Variants in MYH11 observed in about 807,000 individuals in gnomAD.
MYH11 encodes myosin-11.
A neutral mutation model predicts 246.6 loss-of-function variants in MYH11; 80 were observed. The observed-to-expected ratio is 0.32, with a 90% CI of 0.27 to 0.39. The LOEUF is 0.39. MYH11 is among the 10% of genes least tolerant of loss of function. The pLI, the probability that MYH11 is intolerant of heterozygous loss-of-function variation, is 1.00. For missense variants in MYH11, 2,158 were observed against 2,546.8 expected (o/e 0.85, Z 3.29); for synonymous variants, 1,071 against 1,015.5 (o/e 1.05, Z -1.04).
At chr16:15,715,373 C>T (rs188958006) in intron 38 of MYH11, 101 bp from the exon 39 acceptor site, 63 of 1,000,160 alleles carry the variant, frequency 6.3e-5, no homozygotes, top group Middle Eastern at 2.7e-4. Flanking sequence ...TCCTGAGCCC[C>T]GTATCTGGAC....
At chr16:15,832,682 A>C (rs2043771873) in intron 2 of MYH11, among the ~76,000 whole-genome samples, 1 of 152,162 alleles carries the variant, frequency 6.6e-6, no homozygotes, top group Admixed American at 6.5e-5. Flanking sequence ...TGCTCAAGGA[A>C]TCATAATAAA....
chr16:15,817,973 C>T (rs1182668151), intron 3 of MYH11, among the ~76,000 whole-genome samples: 1 of 152,152 alleles, frequency 6.6e-6, no homozygotes, highest in Non-Finnish European at 1.5e-5. Context: ...TTCATTGATT[C>T]AACAAATACT....
At chr16:15,855,636 G>C (rs1209454145) in intron 1 of MYH11, among the ~76,000 whole-genome samples, 1 of 152,146 alleles carries the variant, frequency 6.6e-6, no homozygotes, top group Non-Finnish European at 1.5e-5. Flanking sequence ...AACAGCATGT[G>C]GCACTGAAGT....
At chr16:15,798,526 G>C in intron 4 of MYH11, 134 bp downstream of exon 4, 1 of 913,832 alleles carries the variant, frequency 1.1e-6, no homozygotes, top group Non-Finnish European at 1.6e-6. Flanking sequence ...GGTATAAAGA[G>C]AGGCACTTGG....
chr16:15,854,911 T>C (rs9925813), intron 1 of MYH11, among the ~76,000 whole-genome samples: 1 of 148,370 alleles, frequency 6.7e-6, no homozygotes, highest in South Asian at 2.1e-4. Flanking sequence ...AAATCTCTTC[T>C]CCTTAGGGTT....
At chr16:15,776,391 G>A (rs958259579) in intron 7 of MYH11, among the ~76,000 whole-genome samples, 15 of 152,148 alleles carry the variant, frequency 9.9e-5, no homozygotes, top group Non-Finnish European at 2.2e-4. Flanking sequence ...GGGGAATAGA[G>A]TGAAAAGAAA....
intron 5 of MYH11, chr16:15,784,908 A>G (rs1291545927): frequency 1.6e-6 from 1 of 631,992 alleles, no homozygotes; most frequent in Non-Finnish European, 2.8e-6. Context: ...ATCACAGCTC[A>G]CTGCAGTCTC....
intron 3 of MYH11, among the ~76,000 whole-genome samples, chr16:15,810,628 ATG>A (rs1444657979): frequency 6.6e-6 from 1 of 152,056 alleles, no homozygotes; most frequent in African/African-American, 2.4e-5. Flanking sequence ...CTTCCTGGAG[ATG>A]TGTTTGTAGC....
chr16:15,726,082 C>T (rs1334670947), intron 28 of MYH11: 1 of 184,374 alleles, frequency 5.4e-6, no homozygotes, highest in African/African-American at 2.3e-5. Context: ...CTTATCCATG[C>T]TCCTTAGGGA....
intron 9 of MYH11, among the ~76,000 whole-genome samples, chr16:15,768,457 C>T (rs752657717): frequency 2.6e-5 from 4 of 152,128 alleles, no homozygotes; most frequent in Non-Finnish European, 4.4e-5. Flanking sequence ...GACCCACCCC[C>T]TTCTCCATAG....
intron 3 of MYH11, among the ~76,000 whole-genome samples, chr16:15,805,634 G>A (rs527650918): frequency 1.2e-4 from 18 of 152,208 alleles, no homozygotes; most frequent in Admixed American, 6.5e-4. Flanking sequence ...TGTTATGGCC[G>A]GCGGCCATGG....
intron 38 of MYH11, among the ~76,000 whole-genome samples, chr16:15,716,366 G>A (rs903444450): frequency 6.6e-6 from 1 of 152,162 alleles, no homozygotes; most frequent in Non-Finnish European, 1.5e-5. Context: ...GCGAATTACT[G>A]AAAAAGCTAC....
intron 4 of MYH11, among the ~76,000 whole-genome samples, chr16:15,794,342 T>G (rs984812582): frequency 6.6e-6 from 1 of 152,220 alleles, no homozygotes; most frequent in African/African-American, 2.4e-5. Flanking sequence ...TGCTGTCAAC[T>G]TGTAGGTCCT....
intron 2 of MYH11, among the ~76,000 whole-genome samples, chr16:15,826,794 C>T (rs1408772011): frequency 2.6e-5 from 4 of 151,614 alleles, no homozygotes; most frequent in African/African-American, 9.7e-5. Flanking sequence ...GAGTTCAAGA[C>T]CAACCTAGGC....
At chr16:15,855,729 C>T (rs1483827479) in intron 1 of MYH11, among the ~76,000 whole-genome samples, 1 of 152,218 alleles carries the variant, frequency 6.6e-6, no homozygotes, top group African/African-American at 2.4e-5. Flanking sequence ...CACCCTGCCA[C>T]CTAATGACTT....
rs550384901 is a variant in MYH11, at chr16:15,838,600, C to CT, written c.-17-332dup. On this transcript the variant is annotated intron_variant, in intron 1 of 40. Transcript: ENST00000300036. ...TAGGGCTGGACAAGGTGGCTCACACCTGTAAACCCAACACTGTGGGAGGCC... is the reference window on the plus strand; with the variant it reads ...TAGGGCTGGACAAGGTGGCTCACACCTTGTAAACCCAACACTGTGGGAGGCC... Among the ~76,000 whole-genome samples, 45 of 152,300 alleles carry CT rather than the reference C, an allele frequency of 3.0e-4. 1 individual carries two copies. The East Asian group carries it at 8.7e-3, about 29-fold the overall frequency.
intron 2 of MYH11, among the ~76,000 whole-genome samples, chr16:15,823,945 G>T (rs2043487389): frequency 1.3e-5 from 2 of 152,040 alleles, no homozygotes; most frequent in Admixed American, 1.3e-4. Context: ...GAGTTTTGAA[G>T]AGCTCTGGGT....
chr16:15,775,897 G>C (rs2042210257), intron 8 of MYH11, 181 bp downstream of exon 8: 1 of 658,454 alleles, frequency 1.5e-6, no homozygotes, highest in Non-Finnish European at 2.8e-6. Context: ...AAATGAGAAT[G>C]ACTGAACACA....
intron 9 of MYH11, among the ~76,000 whole-genome samples, chr16:15,770,912 C>A (rs768703588): frequency 6.6e-6 from 1 of 151,954 alleles, no homozygotes. Flanking sequence ...ACAATGTAGT[C>A]GAGAGAGATA....
Sources: gnomAD v4.1 joint callset for allele counts (sites outside exome capture counted in the v4.1 genomes callset) on GRCh38, gnomAD v4.1.1 for gene constraint, MANE v1.5 for transcripts, NCBI Gene and HGNC (gene_info 2026-07-23, HGNC 2026-07-21) for gene names.